Variants in CSMD1 observed in about 807,000 individuals in gnomAD.
CSMD1 encodes CUB and sushi domain-containing protein 1.
CSMD1 carries 213 observed loss-of-function variants against 417.5 expected under a neutral mutation model. That is an observed-to-expected ratio of 0.51 (90% confidence interval 0.46 to 0.57). CSMD1 has a LOEUF of 0.57. CSMD1 is among the 20% of genes least tolerant of loss of function. The probability of loss-of-function intolerance (pLI) is 0.00; values close to 1 mark genes in which losing one functional copy is unlikely to be tolerated. For missense variants in CSMD1, 6,923 were observed against 4,529.7 expected (o/e 1.53, Z -15.17); for synonymous variants, 2,862 against 1,736.8 (o/e 1.65, Z -16.11).
At chr8:3,082,070 C>A (rs538574332) in intron 49 of CSMD1, among the ~76,000 whole-genome samples, 1 of 152,178 alleles carries the variant, frequency 6.6e-6, no homozygotes, top group Admixed American at 6.5e-5. Context: ...CCTGCTTTCA[C>A]GAGAGACTGT....
intron 3 of CSMD1, among the ~76,000 whole-genome samples, chr8:4,213,271 C>A (rs1800434592): frequency 6.6e-6 from 1 of 152,110 alleles, no homozygotes; most frequent in African/African-American, 2.4e-5. Context: ...GAGGCGGGGT[C>A]CTGTCAGGTC....
intron 23 of CSMD1, among the ~76,000 whole-genome samples, chr8:3,327,885 A>G (rs1434356279): frequency 6.6e-6 from 1 of 151,970 alleles, no homozygotes; most frequent in Non-Finnish European, 1.5e-5. Context: ...TTCCATGGAT[A>G]TTCACTGTGA....
intron 3 of CSMD1, among the ~76,000 whole-genome samples, chr8:4,164,309 C>T (rs4524818): frequency 0.39 from 58,903 of 151,576 alleles, 11,644 homozygotes; most frequent in Middle Eastern, 0.5. Flanking sequence ...ATATAGAATC[C>T]ATCTACATTT....
intron 1 of CSMD1, among the ~76,000 whole-genome samples, chr8:4,800,326 G>C (rs1798210022): frequency 6.6e-6 from 1 of 151,574 alleles, no homozygotes; most frequent in East Asian, 2.0e-4. Flanking sequence ...ACCTACTCGT[G>C]AGGCTGAGGC....
intron 7 of CSMD1, among the ~76,000 whole-genome samples, chr8:3,690,393 T>C (rs1257708036): frequency 1.3e-5 from 2 of 152,180 alleles, no homozygotes; most frequent in Non-Finnish European, 2.9e-5. Flanking sequence ...AATCTAAAAT[T>C]TGCCAGCCTT....
intron 69 of CSMD1, among the ~76,000 whole-genome samples, chr8:2,941,074 G>T (rs757093938): frequency 6.6e-6 from 1 of 152,104 alleles, no homozygotes; most frequent in East Asian, 1.9e-4. Context: ...CAAGGATAAG[G>T]CTCATCGGAC....
At chr8:4,447,651 G>C (rs1273623948) in intron 2 of CSMD1, among the ~76,000 whole-genome samples, 1 of 152,156 alleles carries the variant, frequency 6.6e-6, no homozygotes, top group African/African-American at 2.4e-5. Flanking sequence ...TTACGGAAAA[G>C]GAAGGAATGG....
At chr8:4,417,624 C>A (rs180978005) in intron 3 of CSMD1, among the ~76,000 whole-genome samples, 17 of 151,880 alleles carry the variant, frequency 1.1e-4, no homozygotes, top group African/African-American at 4.1e-4. Context: ...TATTATTTGA[C>A]TCATACCAAT....
chr8:4,241,844 G>T (rs1362231217), intron 3 of CSMD1, among the ~76,000 whole-genome samples: 1 of 151,986 alleles, frequency 6.6e-6, no homozygotes, highest in East Asian at 1.9e-4. Context: ...CCAAGTATGG[G>T]GTGATTTTTA....
chr8:3,271,281 G>T (rs113590376), intron 26 of CSMD1, among the ~76,000 whole-genome samples: 1 of 151,512 alleles, frequency 6.6e-6, no homozygotes, highest in African/African-American at 2.4e-5. Context: ...AGGCTGCATA[G>T]TATTCCATGG....
chr8:3,015,192 C>T (rs1367462706), intron 52 of CSMD1, among the ~76,000 whole-genome samples: 1 of 151,934 alleles, frequency 6.6e-6, no homozygotes, highest in African/African-American at 2.4e-5. Context: ...AGGCAGCTCT[C>T]TTGGGGTTCC....
At chr8:3,010,768 A>G (rs1215780242) in intron 52 of CSMD1, among the ~76,000 whole-genome samples, 32 of 147,464 alleles carry the variant, frequency 2.2e-4, no homozygotes, top group African/African-American at 8.0e-4. Context: ...TTTTGAGATG[A>G]AATTTTGCTC....
chr8:4,318,035 T>C (rs1169559731), intron 3 of CSMD1, among the ~76,000 whole-genome samples: 2 of 152,196 alleles, frequency 1.3e-5, no homozygotes, highest in Non-Finnish European at 2.9e-5. Context: ...CTATTAGCAA[T>C]ATATAAAATT....
In CSMD1 at chr8:4,826,992, A is replaced by C. The variant is rs192021866; in HGVS notation, c.85+167340T>G. On this transcript the variant is annotated intron_variant, in intron 1 of 69. Coordinates refer to ENST00000635120, the MANE Select transcript of CSMD1 (RefSeq NM_033225.6). ...ACGTTGAATACGACGGTAAGAAATC[A>C]AATTGCTTGCCTATCTTCCATGGAC... is the stretch of plus-strand genomic sequence containing the variant. 1.4e-3 allele frequency among the ~76,000 whole-genome samples: 218 copies of C among 152,248 alleles called. 1 individual carries two copies. The highest frequency in any genetic ancestry group is 5.0e-3 in the African/African-American group (206 of 41,554).
chr8:4,509,505 C>T (rs938398817), intron 2 of CSMD1, among the ~76,000 whole-genome samples: 7 of 152,150 alleles, frequency 4.6e-5, no homozygotes, highest in South Asian at 2.1e-4. Flanking sequence ...ACGCTGTCTA[C>T]GTCTGCTACC....
chr8:4,761,394 A>G (rs1401200198), intron 1 of CSMD1, among the ~76,000 whole-genome samples: 1 of 152,098 alleles, frequency 6.6e-6, no homozygotes, highest in Admixed American at 6.6e-5. Flanking sequence ...GTATATATAT[A>G]TATACACACA....
In CSMD1 at chr8:3,704,734, C is replaced by T. The variant is rs1224835642; in HGVS notation, c.1009+3680G>A. The T allele has an allele frequency of 3.3e-5, 5 of 152,182 alleles. No individual in the cohort carries two copies. In the East Asian group the frequency reaches 5.8e-4, roughly 18 times the overall value. The allele number at this position is 152,182 out of a possible 1,614,324, so 9.4% of individuals were successfully genotyped here. A position where few individuals can be genotyped will look rare whatever the true frequency, so the allele number is the denominator to read the frequency against. ...TGGATAACACCTTAGACAACCAGAC[C>T]ACTGACCTTGATCTGTTTAATTATC... is the stretch of plus-strand genomic sequence containing the variant. On this transcript the variant is annotated intron_variant, in intron 7 of 69. Transcript: ENST00000635120.
At chr8:4,319,406 C>T (rs146994958) in intron 3 of CSMD1, among the ~76,000 whole-genome samples, 14 of 152,076 alleles carry the variant, frequency 9.2e-5, no homozygotes, top group African/African-American at 2.7e-4. Context: ...ATAATCGATA[C>T]GTGAGCCCTA....
intron 3 of CSMD1, among the ~76,000 whole-genome samples, chr8:4,399,690 A>T (rs1246953961): frequency 9.9e-5 from 15 of 152,118 alleles, no homozygotes; most frequent in Non-Finnish European, 2.2e-4. Context: ...TTAGTACAGA[A>T]ACTCCTTTTG....
Sources: allele counts gnomAD v4.1 joint callset (sites outside exome capture counted in the v4.1 genomes callset), GRCh38; gene constraint gnomAD v4.1.1; transcripts MANE v1.5; gene names NCBI Gene and HGNC (gene_info 2026-07-23, HGNC 2026-07-21).